Variants in MYBPC3 observed in about 807,000 individuals in gnomAD.
MYBPC3 encodes myosin binding protein C3.
Under a neutral mutation model 159.3 loss-of-function variants are expected in MYBPC3, and 108 were observed. That is an observed-to-expected ratio of 0.68 (90% CI 0.58 to 0.80). MYBPC3 has a LOEUF of 0.80. MYBPC3 is among the 30% of genes least tolerant of loss of function. The pLI is 0.00. For synonymous variants in MYBPC3, 730 were observed against 702.0 expected (o/e 1.04, Z -0.63); for missense variants, 1,631 against 1,762.1 (o/e 0.93, Z 1.33).
chr11:47,339,979 T>C (rs1320507391), intron 20 of MYBPC3, among the ~76,000 whole-genome samples, 189 bp from the exon 21 acceptor site: 1 of 152,140 alleles, frequency 6.6e-6, no homozygotes, highest in Non-Finnish European at 1.5e-5. Context: ...CAATTATTAA[T>C]CCAACCAAGA....
intron 26 of MYBPC3, chr11:47,335,494 A>C (rs1398656780): frequency 3.4e-6 from 1 of 296,750 alleles, no homozygotes; most frequent in African/African-American, 2.2e-5. Context: ...CACCCGGCTA[A>C]TTTTGTATTT....
intron 6 of MYBPC3, 91 bp downstream of exon 6, chr11:47,348,333 C>T (rs776419978): frequency 1.0e-4 from 98 of 963,170 alleles, no homozygotes; most frequent in Middle Eastern, 2.1e-4. Flanking sequence ...CTGGATGGGA[C>T]GAGGCATCCT....
rs1216110529 is a variant in MYBPC3 at position 47,332,066 on chromosome 11, CCTCACCTCGCACCTCCAGGCGGCA to C, written c.3796_3814+5del. On this transcript the variant is annotated splice_donor_variant and splice_donor_5th_base_variant and coding_sequence_variant and intron_variant, in exon 33 of 35. Transcript: ENST00000545968. LOFTEE classifies it high-confidence loss of function. This position sits in a 1 kb window ranked among gnomAD's most constrained non-coding sequence, Gnocchi z 4.2. ...CTCCCAGGCCCTGGCCCCGAGGGCT[CCTCACCTCGCACCTCCAGGCGGCA>C]CTCACACCGTGCCTCGCCCTGTAAG... 1 of 1,607,142 alleles carries C rather than the reference CCTCACCTCGCACCTCCAGGCGGCA, an allele frequency of 6.2e-7. No homozygotes were observed. Among genetic ancestry groups the C allele is most frequent in the Non-Finnish European group, 8.5e-7 (1 of 1,175,382 alleles).
In MYBPC3 at chr11:47,341,149, A is replaced by G. The variant is rs730880137; in HGVS notation, c.1886T>C (p.Leu629Pro). 6.3e-7 allele frequency: 1 copy of G among 1,585,524 alleles called. No homozygotes were observed. Among genetic ancestry groups the G allele is most frequent in the Non-Finnish European group, 8.6e-7 (1 of 1,165,214 alleles). Residue 629 changes from leucine (L) to proline (P), a missense_variant, in exon 19 of 35, where the codon CTC becomes CCC. Physicochemically the swap from Leu to Pro is moderately conservative, Grantham distance 98. Transcript: ENST00000545968. ...EGFACNLSAK[L>P]HFMEVKIDFV... ...TGGAGCAGGCTCACCCATGAAGTGG[A>G]GCTTGGCTGACAGGTTGCAGGCGAA...
chr11:47,339,017 TC>T (rs2095885537), intron 22 of MYBPC3, among the ~76,000 whole-genome samples: 1 of 152,152 alleles, frequency 6.6e-6, no homozygotes, highest in Non-Finnish European at 1.5e-5. Flanking sequence ...CAGAAACTAC[TC>T]CTGAGTTGAG....
chr11:47,346,331 C>T lies in MYBPC3; in HGVS notation c.966G>A (p.Trp322Ter), dbSNP rs727503211. 6.2e-7 allele frequency: 1 copy of T among 1,609,838 alleles called. No individual in the cohort carries two copies. Among genetic ancestry groups the T allele is most frequent in the African/African-American group, 1.3e-5 (1 of 74,996 alleles). Residue 322 changes from tryptophan to a stop codon, truncating the protein, a stop_gained, in exon 12 of 35, where the codon TGG becomes TGA. Coordinates refer to ENST00000545968, the MANE Select transcript of MYBPC3 (RefSeq NM_000256.3). LOFTEE classifies it high-confidence loss of function. This position sits in a 1 kb window ranked among gnomAD's most constrained non-coding sequence, Gnocchi z 5.3. The stretch of plus-strand genomic sequence containing the variant: ...ATGGGGGTGCCTGCCGTAGGATCTC[C>T]CACACGTCCTCCTCTGCTGGTGCCT... ...KLEAPAEEDV[W>*]EILRQAPPSE...
chr11:47,332,459 A>C lies in MYBPC3; in HGVS notation c.3627+107T>G. ...GGAGGAACCCGGTCCATACACCCCAAGGTGGAGAGAAAGCAGGGGAGACAG... is the reference window on the plus strand; with the variant it reads ...GGAGGAACCCGGTCCATACACCCCACGGTGGAGAGAAAGCAGGGGAGACAG... On this transcript the variant is annotated intron_variant, in intron 32 of 34. Coordinates refer to ENST00000545968, the MANE Select transcript of MYBPC3 (RefSeq NM_000256.3). The surrounding 1 kb of genome is among the most constrained non-coding windows in gnomAD (Gnocchi z 4.2). 2.0e-6 allele frequency: 3 copies of C among 1,507,922 alleles called. No individual in the cohort carries two copies. Among genetic ancestry groups the C allele is most frequent in the Non-Finnish European group, 2.7e-6 (3 of 1,117,294 alleles). 93.4% of individuals were successfully genotyped at this position (1,507,922 alleles called of 1,614,324 possible).
chr11:47,337,583 G>C lies in MYBPC3; in HGVS notation c.2414-4C>G. 6.2e-7 allele frequency: 1 copy of C among 1,613,950 alleles called. No homozygotes were observed. Among genetic ancestry groups the C allele is most frequent in the Non-Finnish European group, 8.5e-7 (1 of 1,179,884 alleles). On this transcript the variant is annotated splice_polypyrimidine_tract_variant and splice_region_variant and intron_variant, in intron 24 of 34. Coordinates refer to ENST00000545968, the MANE Select transcript of MYBPC3 (RefSeq NM_000256.3). ...TTCTTGCGCTCCAGGATGTAGCCTG[G>C]CTCAGGGGAGGTGGCAGCTCTGGTC...
At chr11:47,337,925 T>C in intron 23 of MYBPC3, 131 bp from the exon 24 acceptor site, 1 of 671,990 alleles carries the variant, frequency 1.5e-6, no homozygotes, top group East Asian at 2.8e-5. Flanking sequence ...AAGAGATCTT[T>C]CTAGAATGCA....
rs61897383 is a variant in MYBPC3 at position 47,342,061 on chromosome 11, G to T, written c.1720C>A (p.Arg574=). The T allele has an allele frequency of 2.8e-4, 458 of 1,612,578 alleles. No homozygotes were observed. The highest frequency in any genetic ancestry group is 3.6e-4 in the Non-Finnish European group (430 of 1,179,400). The change falls in exon 18 of 35, where the codon CGG becomes AGG. Residue 574 remains arginine, a synonymous_variant. Coordinates refer to ENST00000545968, the MANE Select transcript of MYBPC3 (RefSeq NM_000256.3). ...FKCEVSDENV[R]GVWLKNGKEL... ...TTCCCATTCTTCAGCCACACACCCC[G>T]AACATTCTCATCTGAGACCTCACAT...
intron 25 of MYBPC3, chr11:47,336,311 A>G: frequency 4.8e-6 from 1 of 208,780 alleles, no homozygotes; most frequent in Non-Finnish European, 9.6e-6. Flanking sequence ...AACATGGTGA[A>G]ACTCCGTCTC....
intron 6 of MYBPC3, 140 bp from the exon 7 acceptor site, chr11:47,348,045 TCA>T: frequency 1.2e-6 from 1 of 848,430 alleles, no homozygotes; most frequent in Non-Finnish European, 1.9e-6. Context: ...CCCCAGGATC[TCA>T]CCTTCCCAGC....
At chr11:47,336,580 A>G (rs2095882592) in intron 25 of MYBPC3, among the ~76,000 whole-genome samples, 1 of 152,010 alleles carries the variant, frequency 6.6e-6, no homozygotes, top group East Asian at 1.9e-4. Context: ...TTGACTAAGA[A>G]CTGAACAAAC....
At chr11:47,345,505 C>T (rs1396721687) in intron 12 of MYBPC3, among the ~76,000 whole-genome samples, 2 of 152,090 alleles carry the variant, frequency 1.3e-5, no homozygotes, top group East Asian at 1.9e-4. Context: ...GGAAGCTGAC[C>T]CCTCCATTCA....
intron 20 of MYBPC3, among the ~76,000 whole-genome samples, chr11:47,340,223 A>ACACG (rs1282335187): frequency 7.2e-6 from 1 of 138,454 alleles, no homozygotes; most frequent in East Asian, 2.9e-4. Context: ...ACACATACAT[A>ACACG]CACGCACACA....
At chr11:47,339,817 G>A (rs1246807097) in intron 20 of MYBPC3, 27 bp from the exon 21 acceptor site, 1 of 1,605,192 alleles carries the variant, frequency 6.2e-7, no homozygotes, top group Non-Finnish European at 8.5e-7. Context: ...GTAGTTCAGA[G>A]AAACGGGAGA....
chr11:47,336,409 C>A (rs943204702), intron 25 of MYBPC3: 8 of 156,616 alleles, frequency 5.1e-5, no homozygotes, highest in Non-Finnish European at 8.4e-5. Context: ...ATTGCTTGAA[C>A]CTGGGAGGTG....
intron 5 of MYBPC3, 100 bp from the exon 6 acceptor site, chr11:47,348,641 C>T (rs866157061): frequency 3.3e-6 from 3 of 902,440 alleles, no homozygotes; most frequent in Non-Finnish European, 5.0e-6. Context: ...CGCGGTGGCT[C>T]AGGCCTGTAA....
Position 47,351,560 on chromosome 11 carries a change from C to T in MYBPC3, c.26-55G>A. 3 of 1,496,292 alleles carry T rather than the reference C, an allele frequency of 2.0e-6. No homozygotes were observed. The highest frequency in any genetic ancestry group is 2.7e-6 in the Non-Finnish European group (3 of 1,118,072). The allele number at this position is 1,496,292 out of a possible 1,614,324, so 92.7% of individuals were successfully genotyped here. ...CCCTGGTTGGAGCGTGCACCCCGCC[C>T]CTGCAGCCCCTCTCAGTAAATACTG... On this transcript the variant is annotated intron_variant, in intron 1 of 34. Transcript: ENST00000545968. This position sits in a 1 kb window ranked among gnomAD's most constrained non-coding sequence, Gnocchi z 4.2.
Sources: gnomAD v4.1 joint callset for allele counts (sites outside exome capture counted in the v4.1 genomes callset) on GRCh38, gnomAD v4.1.1 for gene constraint, Gnocchi (gnomAD v3.1) non-coding constraint, MANE v1.5 for transcripts, NCBI Gene and HGNC (gene_info 2026-07-23, HGNC 2026-07-21) for gene names.